Variants in DPYSL2 observed in about 807,000 individuals in gnomAD.
The protein encoded by DPYSL2 is dihydropyrimidinase like 2.
A neutral mutation model predicts 69.9 loss-of-function variants in DPYSL2; 13 were observed. That is an observed-to-expected ratio of 0.19 (90% CI 0.12 to 0.30). The LOEUF (loss-of-function observed/expected upper bound fraction) is 0.30. DPYSL2 is among the 10% of genes least tolerant of loss of function. The pLI, the probability that DPYSL2 is intolerant of heterozygous loss-of-function variation, is 1.00. For synonymous variants in DPYSL2, 326 were observed against 359.1 expected (o/e 0.91, Z 1.04); for missense variants, 587 against 918.9 (o/e 0.64, Z 4.67).
chr8:26,544,014 G>T (rs1290661616), intron 1 of DPYSL2, among the ~76,000 whole-genome samples: 1 of 151,926 alleles, frequency 6.6e-6, no homozygotes, highest in Non-Finnish European at 1.5e-5. Context: ...CAACCCAATG[G>T]ACAGATATAA....
chr8:26,657,734 C>T lies in DPYSL2; in HGVS notation c.*2028C>T, dbSNP rs188684391. On this transcript the variant is annotated 3_prime_UTR_variant, in exon 14 of 14. Coordinates refer to ENST00000521913, the MANE Select transcript of DPYSL2 (RefSeq NM_001197293.3). ...TTGAGTCTTCCTGTTTTTCCTGTACCGGGTCATGGTAATTTTTGGTTGTTT... is the reference window on the plus strand; with the variant it reads ...TTGAGTCTTCCTGTTTTTCCTGTACTGGGTCATGGTAATTTTTGGTTGTTT... The T allele has an allele frequency of 3.3e-5, 5 of 152,588 alleles. No homozygotes were observed. Among genetic ancestry groups the T allele is most frequent in the East Asian group, 1.9e-4 (1 of 5,184 alleles). 9.5% of individuals were successfully genotyped at this position (152,588 alleles called of 1,614,324 possible).
rs1030275410 is a variant in DPYSL2 at position 26,618,651 on chromosome 8, G to A, written c.629-5492G>A. On this transcript the variant is annotated intron_variant, in intron 3 of 13. Transcript: ENST00000521913. ...ATCTTTTTATAGATGAGTAAATGGA[G>A]GTTCCTGGCTGGGTGCGGTGGCTCA... Among the ~76,000 whole-genome samples the A allele has an allele frequency of 4.6e-5, 7 of 151,420 alleles. 1 individual carries two copies. The highest frequency in any genetic ancestry group is 3.9e-4 in the Admixed American group (6 of 15,224).
At chr8:26,566,335 C>T (rs919105994) in intron 1 of DPYSL2, among the ~76,000 whole-genome samples, 21 of 152,162 alleles carry the variant, frequency 1.4e-4, no homozygotes, top group African/African-American at 5.1e-4. Context: ...CGGGATCCCC[C>T]TCCCTAAAGG....
At chr8:26,553,898 CTTTT>C (rs35594312) in intron 1 of DPYSL2, among the ~76,000 whole-genome samples, 3 of 117,066 alleles carry the variant, frequency 2.6e-5, no homozygotes, top group African/African-American at 3.3e-5. Flanking sequence ...TATTTTTGGG[CTTTT>C]TTTTTTTTTT....
At chr8:26,522,718 T>C (rs1490781297) in intron 1 of DPYSL2, among the ~76,000 whole-genome samples, 1 of 152,252 alleles carries the variant, frequency 6.6e-6, no homozygotes. Flanking sequence ...TGTTAAATTG[T>C]ATGAATTCTT....
chr8:26,550,993 C>G (rs931416712), intron 1 of DPYSL2, among the ~76,000 whole-genome samples: 5 of 152,194 alleles, frequency 3.3e-5, no homozygotes, highest in African/African-American at 1.2e-4. Context: ...GGCCCCCAGT[C>G]AGTTGGATGG....
chr8:26,599,919 C>T (rs1466687851), intron 3 of DPYSL2, among the ~76,000 whole-genome samples: 1 of 152,090 alleles, frequency 6.6e-6, no homozygotes, highest in Non-Finnish European at 1.5e-5. Context: ...CTCCCCATTC[C>T]CCACCTCTCC....
rs1230471201 is a variant in DPYSL2 at position 26,533,616 on chromosome 8, T to C, written c.354+18937T>C. ...AGTTGTCCCAGCTCCATTTATTGAT[T>C]AGCAAAAGCATTTTAGGAGATGGCA... is the stretch of plus-strand genomic sequence containing the variant. On this transcript the variant is annotated intron_variant, in intron 1 of 13. Transcript: ENST00000521913. This position sits in a 1 kb window ranked among gnomAD's most constrained non-coding sequence, Gnocchi z 4.8. Among the ~76,000 whole-genome samples, 1 of 152,220 alleles carries C rather than the reference T, an allele frequency of 6.6e-6. No homozygotes were observed. Among genetic ancestry groups the C allele is most frequent in the Non-Finnish European group, 1.5e-5 (1 of 68,044 alleles).
chr8:26,532,912 G>A (rs1402128072), intron 1 of DPYSL2, among the ~76,000 whole-genome samples: 2 of 152,076 alleles, frequency 1.3e-5, no homozygotes, highest in Non-Finnish European at 2.9e-5. Flanking sequence ...GGGTTATTTG[G>A]TATCCCTAAT....
intron 1 of DPYSL2, chr8:26,578,470 G>A: frequency 1.4e-6 from 2 of 1,460,222 alleles, no homozygotes; most frequent in East Asian, 2.5e-5. Context: ...AGTGATCCAG[G>A]ATTAGAAGTC....
At chr8:26,559,033 C>G (rs1563386540) in intron 1 of DPYSL2, among the ~76,000 whole-genome samples, 1 of 152,214 alleles carries the variant, frequency 6.6e-6, no homozygotes, top group Non-Finnish European at 1.5e-5. Flanking sequence ...ACCTCTGCCT[C>G]CCGGGTTCAA....
intron 1 of DPYSL2, among the ~76,000 whole-genome samples, chr8:26,524,664 T>G (rs776345264): frequency 2.0e-5 from 3 of 151,876 alleles, no homozygotes; most frequent in African/African-American, 7.3e-5. Context: ...CGGGCATGTA[T>G]GGTGGCGTGT....
chr8:26,644,015 A>G lies in DPYSL2; in HGVS notation c.1349A>G (p.Lys450Arg). ...AACACTGCCCAGAAGGCTGTAGGAA[A>G]GGACAACTTCACCCTGATTCCGGAG... ...TFNTAQKAVG[K>R]DNFTLIPEGT... is the part of the protein sequence containing the mutation. The change falls in exon 10 of 14, where the codon AAG (lysine) becomes AGG (arginine). Residue 450 changes from lysine (K) to arginine (R), a missense_variant. Lys to Arg is a conservative substitution (Grantham distance 26). This residue lies in a region of DPYSL2 where 452 missense variants were observed against 754.3 expected (regional missense o/e 0.60). Coordinates refer to ENST00000521913, the MANE Select transcript of DPYSL2 (RefSeq NM_001197293.3). This position sits in a 1 kb window ranked among gnomAD's most constrained non-coding sequence, Gnocchi z 4.5. 3.1e-6 allele frequency: 5 copies of G among 1,614,248 alleles called. No individual in the cohort carries two copies. Among genetic ancestry groups the G allele is most frequent in the Non-Finnish European group, 4.2e-6 (5 of 1,180,044 alleles).
intron 10 of DPYSL2, among the ~76,000 whole-genome samples, chr8:26,646,980 C>CA (rs557156329): frequency 4.7e-5 from 7 of 147,476 alleles, no homozygotes; most frequent in East Asian, 3.9e-4. Flanking sequence ...GACCCTGTCT[C>CA]AAAAAAAAGA....
Position 26,647,759 on chromosome 8 carries a change from C to T in DPYSL2, c.1555C>T (p.Pro519Ser), listed in dbSNP as rs748609195. Residue 519 changes from proline to serine, a missense_variant, in exon 11 of 14, where the codon CCC becomes TCC. By Grantham distance (74) the Pro-to-Ser change is moderately conservative. This residue lies in a region of DPYSL2 where 452 missense variants were observed against 754.3 expected (regional missense o/e 0.60). Transcript: ENST00000521913. The surrounding 1 kb of genome is among the most constrained non-coding windows in gnomAD (Gnocchi z 5.1). ...GSDADLVIWD[P>S]DSVKTISAKT... ...CGATGCCGACCTGGTCATCTGGGAC[C>T]CCGACAGCGTTAAAACCATCTCTGC... is the stretch of plus-strand genomic sequence containing the variant. The T allele has an allele frequency of 1.9e-5, 31 of 1,613,936 alleles. No individual in the cohort carries two copies. The highest frequency in any genetic ancestry group is 2.5e-5 in the Non-Finnish European group (29 of 1,179,966).
intron 3 of DPYSL2, among the ~76,000 whole-genome samples, chr8:26,611,382 A>G (rs1353746879): frequency 1.3e-5 from 2 of 152,230 alleles, no homozygotes; most frequent in Non-Finnish European, 2.9e-5. Context: ...TGAGCTGGGT[A>G]TTTGAGAGCC....
chr8:26,578,742 CA>C (rs1801418499), intron 1 of DPYSL2, among the ~76,000 whole-genome samples: 1 of 152,124 alleles, frequency 6.6e-6, no homozygotes, highest in South Asian at 2.1e-4. Context: ...CGCCCCCACC[CA>C]AAAAGGGCTT....
intron 1 of DPYSL2, among the ~76,000 whole-genome samples, chr8:26,531,898 T>C (rs1268729766): frequency 6.6e-6 from 1 of 152,064 alleles, no homozygotes; most frequent in Admixed American, 6.5e-5. Context: ...GCAGCTGCCA[T>C]GTGCTGTGAG....
chr8:26,577,638 T>G (rs1305334174), intron 1 of DPYSL2, among the ~76,000 whole-genome samples: 1 of 150,160 alleles, frequency 6.7e-6, no homozygotes, highest in African/African-American at 2.4e-5. Flanking sequence ...ACCCCTCCAT[T>G]GTCCCCGCGT....
Sources: gnomAD v4.1 joint callset for allele counts (sites outside exome capture counted in the v4.1 genomes callset) on GRCh38, gnomAD v4.1.1 for gene constraint, gnomAD v4.1.1 regional missense constraint, Gnocchi (gnomAD v3.1) non-coding constraint, MANE v1.5 for transcripts, NCBI Gene and HGNC (gene_info 2026-07-23, HGNC 2026-07-21) for gene names.